Variants in AP2A1 observed in about 807,000 individuals in gnomAD.
AP2A1 encodes the protein adaptor related protein complex 2 subunit alpha 1.
A neutral mutation model predicts 107.3 loss-of-function variants in AP2A1; 21 were observed. The observed-to-expected ratio is 0.20, with a 90% CI of 0.14 to 0.28. The LOEUF is 0.28. Ranked by LOEUF, AP2A1 falls within the 10% of genes least tolerant of loss-of-function variation. The pLI is 1.00. For synonymous variants in AP2A1, 602 were observed against 564.8 expected (o/e 1.07, Z -0.93); for missense variants, 873 against 1,307.7 (o/e 0.67, Z 5.13).
chr19:49,791,858 G>A (rs761058090), intron 4 of AP2A1, 77 bp from the exon 5 acceptor site: 19 of 1,509,596 alleles, frequency 1.3e-5, no homozygotes, highest in Non-Finnish European at 1.7e-5. Flanking sequence ...TTCCTGGGAG[G>A]AACAGGAGAG....
chr19:49,805,671 G>C lies in AP2A1; in HGVS notation c.2479G>C (p.Ala827Pro). 6.4e-7 allele frequency: 1 copy of C among 1,561,566 alleles called. No individual in the cohort carries two copies. The highest frequency in any genetic ancestry group is 8.7e-7 in the Non-Finnish European group (1 of 1,153,824). Residue 827 changes from alanine to proline, a missense_variant, in exon 20 of 23, where the codon GCC becomes CCC. Ala to Pro is a conservative substitution (Grantham distance 27, BLOSUM62 -1). Coordinates refer to ENST00000354293, the MANE Select transcript of AP2A1 (RefSeq NM_130787.3). ...LLSVRFRYGG[A>P]PQALTLKLPV... is the part of the protein sequence containing the mutation. ...CTTTCACCTCATCAGGTACGGTGGC[G>C]CCCCCCAGGCCCTCACCCTGAAGCT...
At chr19:49,792,922 C>T in intron 5 of AP2A1, 69 bp from the exon 6 acceptor site, 1 of 1,344,254 alleles carries the variant, frequency 7.4e-7, no homozygotes, top group Admixed American at 2.0e-5. Flanking sequence ...CCCTGTCCCG[C>T]TCCTGAGCCT....
chr19:49,802,449 C>T lies in AP2A1; in HGVS notation c.2114+308C>T, dbSNP rs147943238. 9.7e-5 allele frequency: 129 copies of T among 1,330,908 alleles called. No homozygotes were observed. In the African/African-American group the frequency reaches 1.5e-3, roughly 15 times the overall value. The allele number at this position is 1,330,908 out of a possible 1,614,324, so 82.4% of individuals were successfully genotyped here. Reference sequence around the variant, plus strand: ...CTCTTCCGTCCCTCCCTCTCTGTCTCTCTTCTGCCCTCTCGCTGCCTATGT... The same window carrying T: ...CTCTTCCGTCCCTCCCTCTCTGTCTTTCTTCTGCCCTCTCGCTGCCTATGT... On this transcript the variant is annotated intron_variant, in intron 15 of 22. Coordinates refer to ENST00000354293, the MANE Select transcript of AP2A1 (RefSeq NM_130787.3).
chr19:49,800,246 C>T lies in AP2A1; in HGVS notation c.1455+96C>T. ...CGTGGCGCCTGCCAGCCCGCAGCCA[C>T]CCTCCTTCTCCTGCACTGCCGTGAC... On this transcript the variant is annotated intron_variant, in intron 11 of 22. Coordinates refer to ENST00000354293, the MANE Select transcript of AP2A1 (RefSeq NM_130787.3). The T allele has an allele frequency of 1.4e-6, 2 of 1,389,278 alleles. 1 individual carries two copies. The highest frequency in any genetic ancestry group is 2.8e-5 in the South Asian group (2 of 72,718). The allele number at this position is 1,389,278 out of a possible 1,614,324, so 86.1% of individuals were successfully genotyped here. A position where few individuals can be genotyped will look rare whatever the true frequency, so the allele number is the denominator to read the frequency against.
chr19:49,805,864 G>A lies in AP2A1; in HGVS notation c.2586-8G>A. The A allele has an allele frequency of 6.2e-7, 1 of 1,613,642 alleles. No homozygotes were observed. Among genetic ancestry groups the A allele is most frequent in the South Asian group, 1.1e-5 (1 of 91,088 alleles). On this transcript the variant is annotated splice_polypyrimidine_tract_variant and splice_region_variant and intron_variant, in intron 20 of 22. Transcript: ENST00000354293. ...CAGGTCCCTGACTTGAACCTTCCCG[G>A]TCCCCAGCCCTCAACAGGAGGCGCA... is the stretch of plus-strand genomic sequence containing the variant.
chr19:49,791,354 C>T (rs747460725), intron 4 of AP2A1, among the ~76,000 whole-genome samples: 1 of 152,124 alleles, frequency 6.6e-6, no homozygotes, highest in Non-Finnish European at 1.5e-5. Flanking sequence ...CTCACCCTCC[C>T]GAGTAGCTGG....
intron 4 of AP2A1, among the ~76,000 whole-genome samples, chr19:49,787,889 C>G (rs75287989): frequency 0.066 from 10,086 of 152,260 alleles, 453 homozygotes; most frequent in South Asian, 0.16. Flanking sequence ...AGGTGGCCTT[C>G]TGTGTCTGGC....
At chr19:49,798,975 G>A (rs1029121020) in intron 8 of AP2A1, 23 bp downstream of exon 8, 1 of 1,551,664 alleles carries the variant, frequency 6.4e-7, no homozygotes, top group Non-Finnish European at 8.7e-7. Flanking sequence ...GCCTATCAGG[G>A]CCTGATGCCT....
chr19:49,772,248 T>TTTG (rs2084567607), intron 1 of AP2A1, among the ~76,000 whole-genome samples: 1 of 16,892 alleles, frequency 5.9e-5, no homozygotes, highest in African/African-American at 1.7e-4. Context: ...TTCATAGAGT[T>TTTG]TTTTTTTTTT....
intron 15 of AP2A1, chr19:49,802,690 G>C (rs182350836): frequency 4.3e-4 from 552 of 1,275,126 alleles, no homozygotes; most frequent in Non-Finnish European, 5.3e-4. Context: ...CTCGTCAACG[G>C]GTTCCTGATG....
chr19:49,767,750 G>C (rs1309243938), intron 1 of AP2A1, among the ~76,000 whole-genome samples: 3 of 152,078 alleles, frequency 2.0e-5, no homozygotes. Context: ...GGAGGCCTGA[G>C]AGTGGTTGAA....
chr19:49,779,606 ATTG>A (rs1342933694), intron 1 of AP2A1, among the ~76,000 whole-genome samples: 1 of 151,596 alleles, frequency 6.6e-6, no homozygotes, highest in Admixed American at 6.6e-5. Flanking sequence ...TATAATTTGT[ATTG>A]TTTTATTTAG....
intron 15 of AP2A1, chr19:49,802,632 G>C (rs765887279): frequency 4.7e-5 from 72 of 1,523,194 alleles, no homozygotes; most frequent in South Asian, 1.8e-4. Flanking sequence ...AGGTCGGTCG[G>C]GGGGGCGGAC....
Position 49,786,040 on chromosome 19 carries a change from A to G in AP2A1, c.473+3316A>G, listed in dbSNP as rs532522706. Among the ~76,000 whole-genome samples, 53 of 152,268 alleles carry G rather than the reference A, an allele frequency of 3.5e-4. No individual in the cohort carries two copies. In the South Asian group the frequency reaches 0.011, roughly 31 times the overall value. On this transcript the variant is annotated intron_variant, in intron 4 of 22. Transcript: ENST00000354293. Reference sequence around the variant, plus strand: ...GGTTGCAGTGAGCCGAGATTGCACCACTGCACTCCAGCCCGAGTGACAGAG... The same window carrying G: ...GGTTGCAGTGAGCCGAGATTGCACCGCTGCACTCCAGCCCGAGTGACAGAG...
At chr19:49,802,201 G>A in intron 15 of AP2A1, 60 bp downstream of exon 15, 1 of 1,396,118 alleles carries the variant, frequency 7.2e-7, no homozygotes, top group African/African-American at 1.4e-5. Context: ...TCCCTTCTCG[G>A]CCTCTGTCCC....
chr19:49,787,580 C>T (rs1192740630), intron 4 of AP2A1, among the ~76,000 whole-genome samples: 1 of 151,170 alleles, frequency 6.6e-6, no homozygotes, highest in Non-Finnish European at 1.5e-5. Context: ...AACTCTTGAC[C>T]TCTATTGATC....
intron 15 of AP2A1, 144 bp from the exon 16 acceptor site, chr19:49,802,805 C>A: frequency 9.3e-7 from 1 of 1,078,430 alleles, no homozygotes; most frequent in Non-Finnish European, 1.3e-6. Flanking sequence ...TGGATGGATG[C>A]GAGGTTCCTC....
At chr19:49,781,664 C>T in intron 1 of AP2A1, 93 bp from the exon 2 acceptor site, 1 of 1,297,996 alleles carries the variant, frequency 7.7e-7, no homozygotes, top group Non-Finnish European at 1.1e-6. Flanking sequence ...GAAGATCTGC[C>T]CTTCCTGCTG....
intron 4 of AP2A1, among the ~76,000 whole-genome samples, chr19:49,787,338 G>T (rs113304592): frequency 0.042 from 3,773 of 89,092 alleles, 138 homozygotes; most frequent in African/African-American, 0.093. Context: ...TTTTTTGTTT[G>T]TTTTTTTTGT....
Sources: allele counts gnomAD v4.1 joint callset (sites outside exome capture counted in the v4.1 genomes callset), GRCh38; gene constraint gnomAD v4.1.1; transcripts MANE v1.5; gene names NCBI Gene and HGNC (gene_info 2026-07-23, HGNC 2026-07-21).